Variants in EHMT1 observed in about 807,000 individuals in gnomAD.
EHMT1 encodes euchromatic histone lysine methyltransferase 1.
In EHMT1, 15 loss-of-function variants were observed where a neutral mutation model predicts 147.2. The observed-to-expected ratio is 0.10, with a 90% CI of 0.07 to 0.16. EHMT1 has a LOEUF of 0.16. Among genes scored for constraint, EHMT1 ranks in the 10% least tolerant of loss-of-function variants. EHMT1 has a pLI of 1.00. For synonymous variants in EHMT1, 795 were observed against 709.6 expected (o/e 1.12, Z -1.91); for missense variants, 1,587 against 1,772.4 (o/e 0.90, Z 1.88).
chr9:137,819,987 C>T (rs1955276305), intron 25 of EHMT1: 1 of 152,198 alleles, frequency 6.6e-6, no homozygotes, highest in Non-Finnish European at 1.5e-5. Flanking sequence ...CCTCTTGAAA[C>T]TTGCAGTAAC....
At chr9:137,777,436 A>G (rs1033246759) in intron 12 of EHMT1, 15 of 201,034 alleles carry the variant, frequency 7.5e-5, no homozygotes, top group African/African-American at 3.3e-4. Context: ...AACAGCAACA[A>G]AACTTGTTAC....
At chr9:137,669,606 A>G (rs1940288673) in intron 1 of EHMT1, among the ~76,000 whole-genome samples, 1 of 149,578 alleles carries the variant, frequency 6.7e-6, no homozygotes, top group Admixed American at 6.7e-5. Context: ...CAGCCGCTCC[A>G]GCAGCTCTTC....
intron 1 of EHMT1, among the ~76,000 whole-genome samples, chr9:137,674,224 C>A (rs1479517417): frequency 6.6e-6 from 1 of 152,192 alleles, no homozygotes; most frequent in African/African-American, 2.4e-5. Context: ...AGGGGGGCTG[C>A]ACGTGTGACC....
intron 4 of EHMT1, among the ~76,000 whole-genome samples, chr9:137,742,221 C>G (rs1352608800): frequency 6.6e-6 from 1 of 151,804 alleles, no homozygotes; most frequent in Non-Finnish European, 1.5e-5. Flanking sequence ...AAGGACCTAC[C>G]CGCTTTGGAT....
intron 15 of EHMT1, among the ~76,000 whole-genome samples, chr9:137,789,690 T>G (rs1952359275): frequency 6.6e-6 from 1 of 152,192 alleles, no homozygotes; most frequent in East Asian, 1.9e-4. Context: ...CAAAGTCTCC[T>G]GAGCCTCTCA....
At chr9:137,665,921 C>T in intron 1 of EHMT1, 1 of 152,252 alleles carries the variant, frequency 6.6e-6, no homozygotes, top group East Asian at 1.9e-4. Flanking sequence ...GGAGCATGCC[C>T]AGTGCGTGGA....
intron 7 of EHMT1, among the ~76,000 whole-genome samples, chr9:137,753,295 G>A (rs1014989894): frequency 3.5e-4 from 54 of 152,264 alleles, no homozygotes; most frequent in African/African-American, 1.2e-3. Context: ...AGGAGGACAC[G>A]GGGGCCGTGG....
At chr9:137,809,513 T>G (rs149132493) in intron 18 of EHMT1, among the ~76,000 whole-genome samples, 139 of 152,276 alleles carry the variant, frequency 9.1e-4, no homozygotes, top group Middle Eastern at 3.4e-3. Flanking sequence ...GCCCCGAGCC[T>G]CCTCAGCCGC....
At chr9:137,736,638 C>A (rs1947557317) in intron 4 of EHMT1, among the ~76,000 whole-genome samples, 1 of 152,250 alleles carries the variant, frequency 6.6e-6, no homozygotes, top group African/African-American at 2.4e-5. Context: ...CGCCTGTAAT[C>A]CCAGTACTTT....
At chr9:137,710,691 G>T (rs1445746517) in intron 1 of EHMT1, among the ~76,000 whole-genome samples, 1 of 152,136 alleles carries the variant, frequency 6.6e-6, no homozygotes, top group East Asian at 1.9e-4. Flanking sequence ...AAAGATTTCA[G>T]ATATCTAATT....
chr9:137,643,436 G>A (rs1419663941), intron 1 of EHMT1, among the ~76,000 whole-genome samples: 3 of 150,286 alleles, frequency 2.0e-5, no homozygotes, highest in East Asian at 2.0e-4. Context: ...TGCCTCCCAG[G>A]TTCACGCCAT....
At chr9:137,790,336 C>T (rs1051798077) in intron 15 of EHMT1, among the ~76,000 whole-genome samples, 1 of 152,142 alleles carries the variant, frequency 6.6e-6, no homozygotes, top group African/African-American at 2.4e-5. Flanking sequence ...ATTTACCTGC[C>T]AGTTAATTGG....
intron 1 of EHMT1, among the ~76,000 whole-genome samples, chr9:137,633,718 A>G (rs1452442619): frequency 1.3e-5 from 2 of 151,928 alleles, no homozygotes; most frequent in East Asian, 3.9e-4. Context: ...GAAACCTCAT[A>G]CCCATTAGCA....
chr9:137,752,310 T>C, intron 6 of EHMT1, 21 bp from the exon 7 acceptor site: 2 of 1,613,824 alleles, frequency 1.2e-6, no homozygotes, highest in South Asian at 2.2e-5. Context: ...GGGTTCCCGC[T>C]TCGACTGTGT....
chr9:137,697,176 G>T (rs1588220773), intron 1 of EHMT1: 1 of 342,666 alleles, frequency 2.9e-6, no homozygotes, highest in Non-Finnish European at 6.1e-6. Flanking sequence ...AGCTACTTGG[G>T]AGGCTGAGGC....
At chr9:137,812,022 G>C (rs185934686) in intron 19 of EHMT1, among the ~76,000 whole-genome samples, 1 of 152,140 alleles carries the variant, frequency 6.6e-6, no homozygotes, top group Non-Finnish European at 1.5e-5. Flanking sequence ...TGTGGCACTC[G>C]CCACTCAGGG....
intron 1 of EHMT1, among the ~76,000 whole-genome samples, chr9:137,679,674 T>A (rs993326475): frequency 6.6e-6 from 1 of 152,244 alleles, no homozygotes; most frequent in African/African-American, 2.4e-5. Context: ...TTGTAGTTCT[T>A]TCCTTATAGA....
At chr9:137,721,739 C>T (rs181557709) in intron 3 of EHMT1, among the ~76,000 whole-genome samples, 8 of 152,138 alleles carry the variant, frequency 5.3e-5, no homozygotes, top group South Asian at 2.1e-4. Flanking sequence ...GACTTCTGCT[C>T]GTTTTATGAT....
intron 17 of EHMT1, among the ~76,000 whole-genome samples, 197 bp downstream of exon 17, chr9:137,799,111 C>G (rs1953227114): frequency 6.6e-6 from 1 of 151,280 alleles, no homozygotes; most frequent in South Asian, 2.1e-4. Context: ...ACACACAGAG[C>G]CAGCTCGGGC....
Sources: gnomAD v4.1 joint callset for allele counts (sites outside exome capture counted in the v4.1 genomes callset) on GRCh38, gnomAD v4.1.1 for gene constraint, MANE v1.5 for transcripts, NCBI Gene and HGNC (gene_info 2026-07-23, HGNC 2026-07-21) for gene names.